MACROD2: variants seen among roughly 807,000 people sequenced by gnomAD.
The protein encoded by MACROD2 is ADP-ribose glycohydrolase MACROD2.
In MACROD2, 36 loss-of-function variants were observed where a neutral mutation model predicts 70.4. The ratio of observed to expected loss-of-function variants is 0.51; its 90% CI spans 0.39 to 0.68. MACROD2 has a LOEUF of 0.68. MACROD2 is among the 30% of genes least tolerant of loss of function. The pLI, the probability that MACROD2 is intolerant of heterozygous loss-of-function variation, is 0.00. For missense variants in MACROD2, 496 were observed against 538.4 expected, an observed-to-expected ratio of 0.92 and a Z score of 0.78; for synonymous variants, 172 against 178.8, an observed-to-expected ratio of 0.96 and a Z score of 0.30.
intron 12 of MACROD2, among the ~76,000 whole-genome samples, chr20:15,952,079 G>A (rs948168085): frequency 2.0e-5 from 3 of 152,034 alleles, no homozygotes; most frequent in African/African-American, 7.2e-5. Context: ...ATTATATGGG[G>A]GAGTTTCCCT....
intron 4 of MACROD2, among the ~76,000 whole-genome samples, chr20:14,534,824 A>T (rs2123216231): frequency 6.6e-6 from 1 of 151,652 alleles, no homozygotes; most frequent in African/African-American, 2.4e-5. Flanking sequence ...TTTTAAAATA[A>T]TTTCTTCATT....
At position 14,361,799 on chromosome 20, in the gene MACROD2, A is replaced by G. The variant is rs181916796; in HGVS notation, c.272-131680A>G. 2.0e-4 allele frequency among the ~76,000 whole-genome samples: 30 copies of G among 152,312 alleles called. 1 individual carries two copies. Among genetic ancestry groups the G allele is most frequent in the South Asian group, 6.2e-4 (3 of 4,824 alleles). ...AAGCCAATAGCTGATGTGGCACCCA[A>G]TGGGAATAGGGAGAAAAAGACTCAG... is the stretch of plus-strand genomic sequence containing the variant. On this transcript the variant is annotated intron_variant, in intron 3 of 17. Transcript: ENST00000684519.
chr20:15,841,037 C>T (rs913897355), intron 8 of MACROD2, among the ~76,000 whole-genome samples: 5 of 152,154 alleles, frequency 3.3e-5, no homozygotes, highest in African/African-American at 1.2e-4. Flanking sequence ...TTAAGACTCT[C>T]AAAGCATTCC....
At chr20:15,850,003 C>T (rs2064278486) in intron 8 of MACROD2, among the ~76,000 whole-genome samples, 1 of 152,160 alleles carries the variant, frequency 6.6e-6, no homozygotes, top group South Asian at 2.1e-4. Flanking sequence ...GCAGCCCGTA[C>T]CTTATCGGAG....
chr20:14,644,637 TAATG>T (rs1568716978), intron 4 of MACROD2, among the ~76,000 whole-genome samples: 3 of 152,194 alleles, frequency 2.0e-5, no homozygotes, highest in Non-Finnish European at 4.4e-5. Context: ...AATATGGAAT[TAATG>T]AACTATCTTG....
At chr20:15,379,201 A>C (rs2045607207) in intron 6 of MACROD2, among the ~76,000 whole-genome samples, 1 of 152,206 alleles carries the variant, frequency 6.6e-6, no homozygotes. Flanking sequence ...TATAATGTTT[A>C]TAAATTACAC....
At chr20:14,442,774 A>C (rs1003368351) in intron 3 of MACROD2, among the ~76,000 whole-genome samples, 2 of 152,002 alleles carry the variant, frequency 1.3e-5, no homozygotes, top group Non-Finnish European at 2.9e-5. Context: ...ATGGCATAAG[A>C]GTAAGAAATG....
At chr20:15,339,832 T>C (rs1412262700) in intron 6 of MACROD2, among the ~76,000 whole-genome samples, 1 of 151,752 alleles carries the variant, frequency 6.6e-6, no homozygotes, top group African/African-American at 2.4e-5. Context: ...TCATTTGGCC[T>C]GATTTTATGA....
chr20:15,848,360 AG>A (rs1204169863), intron 8 of MACROD2, among the ~76,000 whole-genome samples: 1 of 151,248 alleles, frequency 6.6e-6, no homozygotes, highest in African/African-American at 2.4e-5. Flanking sequence ...TGTACAAGCC[AG>A]GGGGAGGGGG....
In MACROD2 at chr20:14,067,113, A is replaced by AT. The variant is rs896630561; in HGVS notation, c.164-18502dup. ...GGCGTGAGCTACTGCACCTGGCCTG[A>AT]TTTTTTAGTGTTTTTTTTTTTTTTT... On this transcript the variant is annotated intron_variant, in intron 2 of 17. Coordinates refer to ENST00000684519, the MANE Select transcript of MACROD2 (RefSeq NM_001351661.2). Among the ~76,000 whole-genome samples, 73 of 105,964 alleles carry AT rather than the reference A, an allele frequency of 6.9e-4. 1 individual carries two copies. The Middle Eastern group carries it at 0.059, about 85-fold the overall frequency. The allele number at this position is 105,964 out of a possible 152,430, so 69.5% of individuals were successfully genotyped here.
chr20:14,431,384 C>G (rs1461978713), intron 3 of MACROD2, among the ~76,000 whole-genome samples: 1 of 151,996 alleles, frequency 6.6e-6, no homozygotes, highest in Non-Finnish European at 1.5e-5. Context: ...GAAGAAAGGT[C>G]ACAAGAATTT....
intron 3 of MACROD2, among the ~76,000 whole-genome samples, chr20:14,196,021 C>T (rs926389790): frequency 2.6e-5 from 4 of 152,192 alleles, no homozygotes; most frequent in African/African-American, 9.6e-5. Flanking sequence ...CCCACTGGGG[C>T]TTCAGCTGTA....
intron 10 of MACROD2, among the ~76,000 whole-genome samples, chr20:15,906,047 A>G (rs551217383): frequency 5.5e-4 from 84 of 152,348 alleles, no homozygotes; most frequent in African/African-American, 1.9e-3. Flanking sequence ...GCTTCTAACA[A>G]TCTTTGCTGC....
chr20:14,097,409 G>A (rs989354243), intron 3 of MACROD2, among the ~76,000 whole-genome samples: 114 of 152,256 alleles, frequency 7.5e-4, no homozygotes, highest in African/African-American at 2.7e-3. Flanking sequence ...ATTGTAATTG[G>A]TTGGTTATAG....
At chr20:15,638,236 C>G (rs1284350243) in intron 8 of MACROD2, among the ~76,000 whole-genome samples, 1 of 152,192 alleles carries the variant, frequency 6.6e-6, no homozygotes, top group East Asian at 1.9e-4. Flanking sequence ...TGTTCCTCCC[C>G]CTTTGCCCTC....
chr20:15,392,589 AG>A (rs1300483524), intron 6 of MACROD2, among the ~76,000 whole-genome samples: 1 of 152,142 alleles, frequency 6.6e-6, no homozygotes, highest in Non-Finnish European at 1.5e-5. Context: ...ACCAACAGGA[AG>A]ATTCAGAGAT....
At chr20:15,895,763 G>A (rs972969666) in intron 10 of MACROD2, among the ~76,000 whole-genome samples, 11 of 152,176 alleles carry the variant, frequency 7.2e-5, no homozygotes, top group African/African-American at 1.9e-4. Context: ...AGGATGGGCC[G>A]GGGGCTCAGA....
At position 15,332,393 on chromosome 20, in the gene MACROD2, G is replaced by A. The variant is rs189257740; in HGVS notation, c.541-99012G>A. Among the ~76,000 whole-genome samples, 5 of 151,554 alleles carry A rather than the reference G, an allele frequency of 3.3e-5. No homozygotes were observed. In the East Asian group the frequency reaches 9.7e-4, roughly 29 times the overall value. On this transcript the variant is annotated intron_variant, in intron 6 of 17. Transcript: ENST00000684519. ...AGGTTTTTTGCTCTAAAAATTAGGCGCAAGTAAAATTTTTCCTAAAGTATG... is the reference window on the plus strand; with the variant it reads ...AGGTTTTTTGCTCTAAAAATTAGGCACAAGTAAAATTTTTCCTAAAGTATG...
Position 14,936,749 on chromosome 20 carries a change from TTTAGA to T in MACROD2, c.418+251792_418+251796del, listed in dbSNP as rs778800404. Reference sequence around the variant, plus strand: ...AATTCACCTGTGCCTGGCACTTGTCTTTAGATAAGAGACTGAGAATGACCAAAAAT... The same window carrying T: ...AATTCACCTGTGCCTGGCACTTGTCTTAAGAGACTGAGAATGACCAAAAAT... On this transcript the variant is annotated intron_variant, in intron 5 of 17. Transcript: ENST00000684519. 6.4e-4 allele frequency among the ~76,000 whole-genome samples: 98 copies of T among 152,176 alleles called. 1 individual carries two copies. The highest frequency in any genetic ancestry group is 9.7e-4 in the Non-Finnish European group (66 of 68,024).
Sources: allele counts gnomAD v4.1 joint callset (sites outside exome capture counted in the v4.1 genomes callset), GRCh38; gene constraint gnomAD v4.1.1; transcripts MANE v1.5; gene names NCBI Gene and HGNC (gene_info 2026-07-23, HGNC 2026-07-21).